Variants in FMN1 observed in about 807,000 individuals in gnomAD.
The protein encoded by FMN1 is formin-1.
FMN1 carries 110 observed loss-of-function variants against 132.4 expected under a neutral mutation model. The observed-to-expected ratio is 0.83, with a 90% confidence interval of 0.71 to 0.97. The LOEUF (loss-of-function observed/expected upper bound fraction) is 0.97. Among genes scored for constraint, FMN1 ranks in the 50% least tolerant of loss-of-function variants. The pLI, the probability that FMN1 is intolerant of heterozygous loss-of-function variation, is 0.00. For synonymous variants in FMN1, 722 were observed against 651.7 expected, an observed-to-expected ratio of 1.11 and a Z score of -1.64; for missense variants, 1,792 against 1,705.3, an observed-to-expected ratio of 1.05 and a Z score of -0.90.
At chr15:33,087,555 GAAC>G (rs1337407657) in intron 5 of FMN1, among the ~76,000 whole-genome samples, 8 of 151,928 alleles carry the variant, frequency 5.3e-5, no homozygotes, top group South Asian at 4.1e-4. Context: ...CAAAAAAACA[GAAC>G]AACAACAACA....
intron 15 of FMN1, among the ~76,000 whole-genome samples, chr15:32,893,282 C>T (rs2060076025): frequency 6.6e-6 from 1 of 152,254 alleles, no homozygotes; most frequent in Non-Finnish European, 1.5e-5. Flanking sequence ...CTACAAAGCT[C>T]CATGCTAATC....
intron 3 of FMN1, among the ~76,000 whole-genome samples, chr15:33,177,043 C>T (rs1421037146): frequency 6.6e-6 from 1 of 152,198 alleles, no homozygotes; most frequent in African/African-American, 2.4e-5. Flanking sequence ...CTTCCAAGGG[C>T]TTTACCTGTT....
At chr15:32,919,502 A>T (rs1357935590) in intron 10 of FMN1, among the ~76,000 whole-genome samples, 1 of 152,254 alleles carries the variant, frequency 6.6e-6, no homozygotes, top group Non-Finnish European at 1.5e-5. Context: ...TATCAGGCTC[A>T]TAAGAACCCA....
intron 4 of FMN1, among the ~76,000 whole-genome samples, chr15:33,097,227 C>A (rs903874200): frequency 6.6e-6 from 1 of 151,356 alleles, no homozygotes; most frequent in Admixed American, 6.6e-5. Context: ...TTACTTGAGC[C>A]TGGGAGGTTG....
rs1345658411 is a variant in FMN1 at position 32,772,837 on chromosome 15, A to T, written c.*1473T>A. On this transcript the variant is annotated 3_prime_UTR_variant, in exon 21 of 21. Coordinates refer to ENST00000616417, the MANE Select transcript of FMN1 (RefSeq NM_001277313.2). ...CCTGAGGGGCTGCTGGCTGGCAGGC[A>T]TATCCTGGGAAGATGCTCAGGCACC... 1.3e-5 allele frequency: 2 copies of T among 152,386 alleles called. No homozygotes were observed. The highest frequency in any genetic ancestry group is 2.9e-5 in the Non-Finnish European group (2 of 68,212). 9.4% of individuals were successfully genotyped at this position (152,386 alleles called of 1,614,324 possible).
intron 4 of FMN1, among the ~76,000 whole-genome samples, chr15:33,093,598 GT>G (rs2038977643): frequency 1.3e-5 from 2 of 152,304 alleles, no homozygotes; most frequent in South Asian, 4.1e-4. Flanking sequence ...ATGACACAAT[GT>G]CACCAAACCA....
intron 16 of FMN1, among the ~76,000 whole-genome samples, chr15:32,870,373 A>G (rs1356302834): frequency 6.6e-6 from 1 of 152,196 alleles, no homozygotes; most frequent in Non-Finnish European, 1.5e-5. Flanking sequence ...AGTCCAGGGG[A>G]ATCCCATGAT....
intron 19 of FMN1, among the ~76,000 whole-genome samples, chr15:32,785,104 C>T (rs1313709069): frequency 7.0e-6 from 1 of 143,104 alleles, no homozygotes; most frequent in Non-Finnish European, 1.5e-5. Context: ...AACCTGTTAA[C>T]TTTTGAGTAA....
chr15:32,820,363 A>G (rs2034350639), intron 17 of FMN1, among the ~76,000 whole-genome samples: 2 of 152,188 alleles, frequency 1.3e-5, no homozygotes, highest in Admixed American at 1.3e-4. Context: ...TAATTCTATT[A>G]TGAAACTGAA....
intron 3 of FMN1, among the ~76,000 whole-genome samples, chr15:33,155,348 C>T (rs945859649): frequency 2.0e-5 from 3 of 152,194 alleles, no homozygotes; most frequent in Admixed American, 6.5e-5. Flanking sequence ...CTTCTCTAGA[C>T]CTTGGTTTAT....
chr15:32,828,264 AC>A (rs752864312), intron 17 of FMN1, among the ~76,000 whole-genome samples: 8 of 152,326 alleles, frequency 5.3e-5, no homozygotes, highest in Non-Finnish European at 8.8e-5. Context: ...ACAGAGCAAG[AC>A]TCTGTTTCAA....
Position 32,968,836 on chromosome 15 carries a change from A to G in FMN1, c.2865T>C (p.Pro955=), listed in dbSNP as rs1172913690. 2.2e-6 allele frequency: 2 copies of G among 897,886 alleles called. No individual in the cohort carries two copies. Among genetic ancestry groups the G allele is most frequent in the Non-Finnish European group, 1.6e-6 (1 of 606,926 alleles). 55.6% of individuals were successfully genotyped at this position (897,886 alleles called of 1,614,324 possible). A position where few individuals can be genotyped will look rare whatever the true frequency, so the allele number is the denominator to read the frequency against. The part of the protein sequence containing the change: ...APPPPGLAPP[P]PPGLFFGLGS... Reference sequence around the variant, plus strand: ...CAAGTCCAAAGAAGAGTCCAGGGGGAGGTGGGGGTGCAAGTCCTGGGGGTG... The same window carrying G: ...CAAGTCCAAAGAAGAGTCCAGGGGGGGGTGGGGGTGCAAGTCCTGGGGGTG... Residue 955 remains proline (P), a synonymous_variant, in exon 8 of 21, where the codon CCT becomes CCC. Transcript: ENST00000616417.
intron 6 of FMN1, among the ~76,000 whole-genome samples, chr15:33,055,172 C>CA (rs1489874516): frequency 1.3e-5 from 2 of 152,130 alleles, no homozygotes; most frequent in Non-Finnish European, 2.9e-5. Flanking sequence ...CTGGAGGCTT[C>CA]AACTGCATGA....
At chr15:33,151,704 T>C (rs1296695683) in intron 4 of FMN1, among the ~76,000 whole-genome samples, 1 of 140,338 alleles carries the variant, frequency 7.1e-6, no homozygotes, top group Non-Finnish European at 1.5e-5. Context: ...ATCTCTCTCT[T>C]AATAATCTCA....
chr15:32,851,031 C>G (rs912518229), intron 17 of FMN1, among the ~76,000 whole-genome samples: 1 of 151,768 alleles, frequency 6.6e-6, no homozygotes, highest in Non-Finnish European at 1.5e-5. Context: ...GCACTACAGC[C>G]TGGGTGACAG....
chr15:32,827,740 A>G (rs2058403625), intron 17 of FMN1, among the ~76,000 whole-genome samples: 1 of 151,958 alleles, frequency 6.6e-6, no homozygotes, highest in South Asian at 2.1e-4. Flanking sequence ...GCTACTCGGG[A>G]GGCTGAGGCA....
rs557403020 is a variant in FMN1 at position 33,139,932 on chromosome 15, A to T, written c.1867+13116T>A. Among the ~76,000 whole-genome samples, 18 of 152,168 alleles carry T rather than the reference A, an allele frequency of 1.2e-4. No individual in the cohort carries two copies. The East Asian group carries it at 2.5e-3, about 21-fold the overall frequency. On this transcript the variant is annotated intron_variant, in intron 4 of 20. Transcript: ENST00000616417. ...GTGTAGAACTGCCACTGACTTTTTTAAAAAAGATATGAAAAATTTCAAATG... is the reference window on the plus strand; with the variant it reads ...GTGTAGAACTGCCACTGACTTTTTTTAAAAAGATATGAAAAATTTCAAATG...
intron 16 of FMN1, among the ~76,000 whole-genome samples, chr15:32,866,666 T>C (rs1051047936): frequency 6.6e-6 from 1 of 152,226 alleles, no homozygotes; most frequent in African/African-American, 2.4e-5. Flanking sequence ...TACTCACTTT[T>C]TCCTATTTCT....
chr15:33,191,475 C>T (rs1277565368), intron 2 of FMN1, among the ~76,000 whole-genome samples: 1 of 152,146 alleles, frequency 6.6e-6, no homozygotes, highest in East Asian at 1.9e-4. Flanking sequence ...TAAGGATGTC[C>T]ACAAGGAGGA....
Sources: gnomAD v4.1 joint callset for allele counts (sites outside exome capture counted in the v4.1 genomes callset) on GRCh38, gnomAD v4.1.1 for gene constraint, MANE v1.5 for transcripts, NCBI Gene and HGNC (gene_info 2026-07-23, HGNC 2026-07-21) for gene names.